NEK1: variants seen among roughly 807,000 people sequenced by gnomAD.
NEK1 encodes NIMA related kinase 1.
NEK1 carries 137 observed loss-of-function variants against 182.1 expected under a neutral mutation model. That is an observed-to-expected ratio of 0.75 (90% CI 0.65 to 0.87). The LOEUF is 0.87. Among genes scored for constraint, NEK1 ranks in the 40% least tolerant of loss-of-function variants. The probability of loss-of-function intolerance (pLI) is 0.00; values close to 1 mark genes in which losing one functional copy is unlikely to be tolerated. For synonymous variants in NEK1, 513 were observed against 492.2 expected, an observed-to-expected ratio of 1.04 and a Z score of -0.56; for missense variants, 1,391 against 1,494.4, an observed-to-expected ratio of 0.93 and a Z score of 1.14.
chr4:169,583,032 AGAG>A (rs1348254800), intron 10 of NEK1, among the ~76,000 whole-genome samples: 1 of 152,144 alleles, frequency 6.6e-6, no homozygotes, highest in Non-Finnish European at 1.5e-5. Flanking sequence ...GATGGCCTTG[AGAG>A]GACTGAGGTA....
intron 28 of NEK1, 148 bp downstream of exon 28, chr4:169,437,935 G>A: frequency 1.7e-6 from 1 of 600,346 alleles, no homozygotes; most frequent in Non-Finnish European, 2.7e-6. Context: ...ATAAAAAAAA[G>A]ACCAATAGCT....
At chr4:169,547,999 A>C (rs1760803805) in intron 18 of NEK1, among the ~76,000 whole-genome samples, 1 of 152,026 alleles carries the variant, frequency 6.6e-6, no homozygotes, top group Admixed American at 6.6e-5. Flanking sequence ...TTCTCTGTCC[A>C]GTTTTGTTCC....
Position 169,393,277 on chromosome 4 carries a change from G to T in NEK1, c.*1233C>A, listed in dbSNP as rs1733697071. 6.6e-6 allele frequency: 1 copy of T among 151,752 alleles called. No homozygotes were observed. Among genetic ancestry groups the T allele is most frequent in the Non-Finnish European group, 1.5e-5 (1 of 67,952 alleles). The allele number at this position is 151,752 out of a possible 1,614,324, so 9.4% of individuals were successfully genotyped here. ...AATAAAAGACAATTGATATACTTCA[G>T]GTAGATAATAAAAATTTAATAGCAA... On this transcript the variant is annotated 3_prime_UTR_variant, in exon 36 of 36. Transcript: ENST00000507142.
At chr4:169,545,093 T>G (rs1444958217) in intron 18 of NEK1, among the ~76,000 whole-genome samples, 2 of 150,664 alleles carry the variant, frequency 1.3e-5, no homozygotes, top group Admixed American at 6.6e-5. Flanking sequence ...AGGGTACATG[T>G]GCACATTGTG....
intron 11 of NEK1, among the ~76,000 whole-genome samples, chr4:169,578,951 C>G (rs143634003): frequency 1.9e-3 from 284 of 152,278 alleles, no homozygotes; most frequent in African/African-American, 6.7e-3. Flanking sequence ...TACACATACA[C>G]ATATACACAC....
At chr4:169,592,379 T>C (rs571758330) in intron 5 of NEK1, among the ~76,000 whole-genome samples, 1 of 152,312 alleles carries the variant, frequency 6.6e-6, no homozygotes, top group South Asian at 2.1e-4. Context: ...AGAAATACTA[T>C]GCAGTCACTG....
intron 19 of NEK1, among the ~76,000 whole-genome samples, chr4:169,514,223 G>A (rs1754712098): frequency 6.6e-6 from 1 of 151,992 alleles, no homozygotes; most frequent in Admixed American, 6.6e-5. Flanking sequence ...CTTGACCTCA[G>A]GTGATCCACC....
chr4:169,602,439 TA>T, intron 3 of NEK1, 74 bp downstream of exon 3: 15 of 810,114 alleles, frequency 1.9e-5, no homozygotes, highest in South Asian at 4.9e-5. Flanking sequence ...TTTTTTTTTT[TA>T]AAGAAAATCT....
At chr4:169,397,487 A>T (rs914941166) in intron 35 of NEK1, among the ~76,000 whole-genome samples, 50 of 151,620 alleles carry the variant, frequency 3.3e-4, no homozygotes, top group African/African-American at 1.1e-3. Context: ...GCTGTACTCA[A>T]TTTTTTTTTA....
intron 26 of NEK1, among the ~76,000 whole-genome samples, chr4:169,464,460 T>G (rs1744559019): frequency 6.6e-6 from 1 of 152,134 alleles, no homozygotes; most frequent in African/African-American, 2.4e-5. Context: ...AGGGTCTTTT[T>G]GTCCTTGGGG....
intron 35 of NEK1, among the ~76,000 whole-genome samples, chr4:169,395,607 T>C (rs1730552864): frequency 6.6e-6 from 1 of 152,246 alleles, no homozygotes; most frequent in African/African-American, 2.4e-5. Flanking sequence ...GTAACACTTA[T>C]CACTGGACTA....
chr4:169,413,488 G>A (rs969788141), intron 31 of NEK1, among the ~76,000 whole-genome samples: 2 of 152,044 alleles, frequency 1.3e-5, no homozygotes, highest in Non-Finnish European at 2.9e-5. Flanking sequence ...AAGTTTTCCA[G>A]GCAAGTTTTC....
intron 12 of NEK1, among the ~76,000 whole-genome samples, chr4:169,567,548 T>C (rs1763915625): frequency 6.6e-6 from 1 of 152,114 alleles, no homozygotes; most frequent in Non-Finnish European, 1.5e-5. Flanking sequence ...TACAAGCACA[T>C]GTCACCATGC....
intron 35 of NEK1, 152 bp downstream of exon 35, chr4:169,400,073 A>C: frequency 1.3e-6 from 1 of 781,728 alleles, no homozygotes; most frequent in South Asian, 1.5e-5. Flanking sequence ...GTAAAAGTAC[A>C]TGACAAAGTT....
intron 10 of NEK1, among the ~76,000 whole-genome samples, chr4:169,583,562 A>AG (rs1767036347): frequency 1.3e-5 from 2 of 152,194 alleles, no homozygotes; most frequent in African/African-American, 4.8e-5. Flanking sequence ...GGCACATTTT[A>AG]GGCTTGAATA....
chr4:169,601,649 C>T (rs1770505782), intron 4 of NEK1, among the ~76,000 whole-genome samples: 1 of 152,022 alleles, frequency 6.6e-6, no homozygotes, highest in Admixed American at 6.6e-5. Context: ...CTTGCTCTGT[C>T]CAAATTCTTG....
At chr4:169,424,239 C>G (rs1487176655) in intron 31 of NEK1, among the ~76,000 whole-genome samples, 1 of 152,006 alleles carries the variant, frequency 6.6e-6, no homozygotes, top group Non-Finnish European at 1.5e-5. Flanking sequence ...ATTGCTTAAA[C>G]TTAGTGTGAT....
intron 19 of NEK1, among the ~76,000 whole-genome samples, chr4:169,510,899 G>C (rs1243384627): frequency 6.6e-6 from 1 of 152,052 alleles, no homozygotes; most frequent in Non-Finnish European, 1.5e-5. Context: ...CCTCTTCAAA[G>C]CCTTCTCTAG....
chr4:169,428,351 GATATATATAT>G (rs60550267), intron 29 of NEK1, among the ~76,000 whole-genome samples: 34 of 93,224 alleles, frequency 3.6e-4, no homozygotes, highest in South Asian at 1.4e-3. Flanking sequence ...AAATATATGG[GATATATATAT>G]ATATATATAT....
Sources: allele counts gnomAD v4.1 joint callset (sites outside exome capture counted in the v4.1 genomes callset), GRCh38; gene constraint gnomAD v4.1.1; transcripts MANE v1.5; gene names NCBI Gene and HGNC (gene_info 2026-07-23, HGNC 2026-07-21).